Variants in ELP4 observed in about 807,000 individuals in gnomAD.
The protein encoded by ELP4 is elongator acetyltransferase complex subunit 4.
ELP4 carries 51 observed loss-of-function variants against 48.9 expected under a neutral mutation model. The observed-to-expected ratio is 1.04, with a 90% CI of 0.83 to 1.32. The LOEUF is 1.32. ELP4 is among the 40% of genes most tolerant of loss of function. The pLI is 0.00. For missense variants in ELP4, 519 were observed against 514.6 expected (o/e 1.01, Z -0.08); for synonymous variants, 210 against 189.2 (o/e 1.11, Z -0.90).
chr11:31,585,703 T>G (rs1957461008), intron 3 of ELP4, among the ~76,000 whole-genome samples: 1 of 152,156 alleles, frequency 6.6e-6, no homozygotes. Flanking sequence ...AATTGCATAA[T>G]TAAAAGTACA....
At chr11:31,756,541 C>T (rs996562886) in intron 9 of ELP4, among the ~76,000 whole-genome samples, 10 of 152,144 alleles carry the variant, frequency 6.6e-5, no homozygotes, top group African/African-American at 2.4e-4. Flanking sequence ...AAAGCCTTTC[C>T]TTGTCTGTTA....
intron 5 of ELP4, among the ~76,000 whole-genome samples, chr11:31,626,563 TA>T (rs1658693035): frequency 1.3e-5 from 2 of 151,892 alleles, no homozygotes; most frequent in South Asian, 4.1e-4. Context: ...TTCATCCATT[TA>T]TTGTCTTCTT....
chr11:31,744,551 G>T (rs1367817247), intron 9 of ELP4, among the ~76,000 whole-genome samples: 9 of 152,098 alleles, frequency 5.9e-5, no homozygotes, highest in Non-Finnish European at 1.2e-4. Context: ...ATGATCAAGT[G>T]GGCTTCATCC....
chr11:31,625,081 A>G (rs1944711215), intron 5 of ELP4, among the ~76,000 whole-genome samples: 1 of 151,682 alleles, frequency 6.6e-6, no homozygotes. Flanking sequence ...TATAGTAAGT[A>G]CATAAGCCAG....
intron 7 of ELP4, among the ~76,000 whole-genome samples, chr11:31,643,975 A>G (rs1246167752): frequency 6.6e-6 from 1 of 151,830 alleles, no homozygotes; most frequent in East Asian, 1.9e-4. Flanking sequence ...AGAGCCCTTT[A>G]TGTAACTTAA....
chr11:31,563,413 A>G (rs1957054024), intron 3 of ELP4, among the ~76,000 whole-genome samples: 1 of 152,166 alleles, frequency 6.6e-6, no homozygotes, highest in Non-Finnish European at 1.5e-5. Context: ...GCATCTGCCA[A>G]AACAAAGACC....
rs141327686 is a variant in ELP4 at position 31,679,045 on chromosome 11, T to G, written c.1143+28824T>G. Among the ~76,000 whole-genome samples, 151 of 152,340 alleles carry G rather than the reference T, an allele frequency of 9.9e-4. 1 individual carries two copies. Among genetic ancestry groups the G allele is most frequent in the African/African-American group, 3.3e-3 (139 of 41,578 alleles). ...TATGAAACTTCTTTTTATATGTTTT[T>G]TTGCCATCCATCTGTCTTCTTTGGT... On this transcript the variant is annotated intron_variant, in intron 9 of 9. Coordinates refer to ENST00000640961, the MANE Select transcript of ELP4 (RefSeq NM_019040.5).
At chr11:31,549,999 G>C (rs548612395) in intron 3 of ELP4, among the ~76,000 whole-genome samples, 30 of 152,160 alleles carry the variant, frequency 2.0e-4, no homozygotes, top group East Asian at 1.2e-3. Flanking sequence ...GGTGGGGTAG[G>C]GGGGAGGGAT....
At chr11:31,656,812 C>T (rs187634526) in intron 9 of ELP4, among the ~76,000 whole-genome samples, 72 of 152,038 alleles carry the variant, frequency 4.7e-4, no homozygotes, top group Non-Finnish European at 8.7e-4. Flanking sequence ...CAGACATAAA[C>T]ATTTATATAT....
intron 5 of ELP4, among the ~76,000 whole-genome samples, chr11:31,610,046 T>TA (rs1311830660): frequency 6.6e-6 from 1 of 151,932 alleles, no homozygotes; most frequent in Non-Finnish European, 1.5e-5. Flanking sequence ...ACCGTTGTCT[T>TA]AAAAAAACAG....
At chr11:31,567,163 C>A (rs1168249120) in intron 3 of ELP4, among the ~76,000 whole-genome samples, 1 of 152,054 alleles carries the variant, frequency 6.6e-6, no homozygotes, top group Non-Finnish European at 1.5e-5. Flanking sequence ...GAACTCCTAA[C>A]CTCAGGTGAT....
At chr11:31,698,335 T>A (rs1946452884) in intron 9 of ELP4, among the ~76,000 whole-genome samples, 1 of 152,184 alleles carries the variant, frequency 6.6e-6, no homozygotes, top group Admixed American at 6.6e-5. Flanking sequence ...TTTATATCTT[T>A]TTGTACTTTA....
At chr11:31,618,812 T>C (rs544687512) in intron 5 of ELP4, among the ~76,000 whole-genome samples, 61 of 152,234 alleles carry the variant, frequency 4.0e-4, no homozygotes, top group Non-Finnish European at 8.2e-4. Context: ...AATACTTAAA[T>C]AGCTGTCAAT....
chr11:31,619,233 A>G (rs1037903927), intron 5 of ELP4, among the ~76,000 whole-genome samples: 5 of 151,932 alleles, frequency 3.3e-5, no homozygotes, highest in African/African-American at 1.2e-4. Flanking sequence ...TGCCCAAGTG[A>G]TATTTTATGG....
At chr11:31,522,193 C>T (rs959569876) in intron 2 of ELP4, among the ~76,000 whole-genome samples, 4 of 152,106 alleles carry the variant, frequency 2.6e-5, no homozygotes, top group African/African-American at 9.7e-5. Flanking sequence ...ATCTCAGTTA[C>T]ATTTTTAAGA....
At chr11:31,668,419 G>A (rs1394197856) in intron 9 of ELP4, among the ~76,000 whole-genome samples, 2 of 151,578 alleles carry the variant, frequency 1.3e-5, no homozygotes, top group African/African-American at 4.8e-5. Flanking sequence ...TAAAATGATT[G>A]GCAACACTCA....
At chr11:31,574,303 G>A (rs1482478252) in intron 3 of ELP4, among the ~76,000 whole-genome samples, 9 of 152,170 alleles carry the variant, frequency 5.9e-5, no homozygotes, top group Non-Finnish European at 8.8e-5. Flanking sequence ...TGAGCTGAGT[G>A]GAGCCCACCC....
chr11:31,574,145 T>C (rs1253982693), intron 3 of ELP4, among the ~76,000 whole-genome samples: 1 of 152,212 alleles, frequency 6.6e-6, no homozygotes, highest in Non-Finnish European at 1.5e-5. Context: ...AATCTTATTC[T>C]AGAAATAATG....
At chr11:31,637,662 C>T (rs1245705017) in intron 7 of ELP4, among the ~76,000 whole-genome samples, 1 of 151,930 alleles carries the variant, frequency 6.6e-6, no homozygotes, top group African/African-American at 2.4e-5. Context: ...CAATAGGATA[C>T]TGTTTGACTT....
Sources: allele counts gnomAD v4.1 joint callset (sites outside exome capture counted in the v4.1 genomes callset), GRCh38; gene constraint gnomAD v4.1.1; transcripts MANE v1.5; gene names NCBI Gene and HGNC (gene_info 2026-07-23, HGNC 2026-07-21).